SOST: variants seen among roughly 807,000 people sequenced by gnomAD.
SOST encodes sclerostin.
Under a neutral mutation model 16.7 loss-of-function variants are expected in SOST, and 14 were observed. The ratio of observed to expected loss-of-function variants is 0.84; its 90% CI spans 0.55 to 1.31. The LOEUF (loss-of-function observed/expected upper bound fraction) is 1.31. Among genes scored for constraint, SOST ranks in the 50% most tolerant of loss-of-function variants. SOST has a pLI of 0.00. For missense variants in SOST, 291 were observed against 310.7 expected (o/e 0.94, Z 0.48); for synonymous variants, 150 against 140.9 (o/e 1.06, Z -0.46).
At chr17:43,758,486 G>A (rs746420274) in intron 1 of SOST, 36 bp downstream of exon 1, 1 of 1,550,798 alleles carries the variant, frequency 6.4e-7, no homozygotes, top group East Asian at 2.3e-5. Context: ...ACCTCCCCAG[G>A]ATCTTTTACT....
intron 1 of SOST, among the ~76,000 whole-genome samples, chr17:43,756,606 T>TG (rs1239289096): frequency 6.6e-6 from 1 of 152,110 alleles, no homozygotes; most frequent in Non-Finnish European, 1.5e-5. Context: ...GAGGCTGGGC[T>TG]GGGGGATGGA....
Position 43,755,140 on chromosome 17 carries a change from G to T in SOST, c.*202C>A. 1 of 537,520 alleles carries T rather than the reference G, an allele frequency of 1.9e-6. No homozygotes were observed. Among genetic ancestry groups the T allele is most frequent in the South Asian group, 2.9e-5 (1 of 34,790 alleles). 33.3% of individuals were successfully genotyped at this position (537,520 alleles called of 1,614,324 possible). On this transcript the variant is annotated 3_prime_UTR_variant, in exon 2 of 2. Transcript: ENST00000301691. The surrounding 1 kb of genome is among the most constrained non-coding windows in gnomAD (Gnocchi z 4.3). ...GACTCTCAATTCCCTCCCCTGCCCC[G>T]TGGGACCCCTCAGCTGGCGGGCTGA... is the stretch of plus-strand genomic sequence containing the variant.
chr17:43,755,614 A>G lies in SOST; in HGVS notation c.370T>C (p.Trp124Arg). ...AAGTCGGGCCCACTAGGTCGCCACC[A>G]CTTGCCGCGGCCGATGGCGTTGGGC... ...LLPNAIGRGK[W>R]WRPSGPDFRC... Residue 124 changes from tryptophan to arginine, a missense_variant, in exon 2 of 2, where the codon TGG (tryptophan) becomes CGG (arginine). Transcript: ENST00000301691. The surrounding 1 kb of genome is among the most constrained non-coding windows in gnomAD (Gnocchi z 4.3). The G allele has an allele frequency of 6.3e-7, 1 of 1,585,458 alleles. No homozygotes were observed. The highest frequency in any genetic ancestry group is 8.5e-7 in the Non-Finnish European group (1 of 1,172,654).
intron 1 of SOST, among the ~76,000 whole-genome samples, chr17:43,758,093 G>C (rs1338521443): frequency 6.6e-6 from 1 of 152,188 alleles, no homozygotes; most frequent in Non-Finnish European, 1.5e-5. Context: ...GCCACCACCA[G>C]CATAGAGTGT....
At chr17:43,756,553 T>C (rs928544144) in intron 1 of SOST, among the ~76,000 whole-genome samples, 5 of 152,150 alleles carry the variant, frequency 3.3e-5, no homozygotes, top group Non-Finnish European at 7.4e-5. Context: ...CAGCACCTTT[T>C]GGCTCCGGCA....
At chr17:43,756,580 G>A (rs917479249) in intron 1 of SOST, among the ~76,000 whole-genome samples, 2 of 152,154 alleles carry the variant, frequency 1.3e-5, no homozygotes, top group Admixed American at 6.5e-5. Context: ...GAGGCTCTGC[G>A]TTCGAGCATC....
intron 1 of SOST, among the ~76,000 whole-genome samples, chr17:43,756,110 A>T (rs1291155982): frequency 6.6e-6 from 1 of 152,254 alleles, no homozygotes; most frequent in Non-Finnish European, 1.5e-5. Context: ...GCAATGCAGA[A>T]AATACCATTT....
Position 43,755,336 on chromosome 17 carries a change from C to T in SOST, c.*6G>A, listed in dbSNP as rs369412479. The T allele has an allele frequency of 1.5e-5, 23 of 1,557,560 alleles. No homozygotes were observed. Among genetic ancestry groups the T allele is most frequent in the African/African-American group, 5.6e-5 (4 of 70,828 alleles). ...GCCCGCCGGTGGGGAGGGGCGCGGG[C>T]GGGCTCTAGTAGGCGTTCTCCAGCT... is the stretch of plus-strand genomic sequence containing the variant. On this transcript the variant is annotated 3_prime_UTR_variant, in exon 2 of 2. Coordinates refer to ENST00000301691, the MANE Select transcript of SOST (RefSeq NM_025237.3). The surrounding 1 kb of genome is among the most constrained non-coding windows in gnomAD (Gnocchi z 4.3).
At chr17:43,758,402 A>G in intron 1 of SOST, 120 bp downstream of exon 1, 4 of 792,878 alleles carry the variant, frequency 5.0e-6, no homozygotes, top group Non-Finnish European at 8.3e-6. Flanking sequence ...TTCCTCGACC[A>G]GTGCTGGCAG....
intron 1 of SOST, among the ~76,000 whole-genome samples, chr17:43,757,429 T>C (rs1006443684): frequency 6.6e-6 from 1 of 152,140 alleles, no homozygotes; most frequent in Non-Finnish European, 1.5e-5. Flanking sequence ...TTGCCCTTTT[T>C]AGCACCCCAT....
rs946699013 is a variant in SOST, at chr17:43,757,053, A to G, written c.221-1290T>C. ...CAGCAGGGGAGATGTGGCCACTGCC[A>G]TCGTCTGGGGCTGCTTTCTGGTCTG... On this transcript the variant is annotated intron_variant, in intron 1 of 1. Transcript: ENST00000301691. Among the ~76,000 whole-genome samples, 6 of 152,180 alleles carry G rather than the reference A, an allele frequency of 3.9e-5. No individual in the cohort carries two copies. In the South Asian group the frequency reaches 1.0e-3, roughly 26 times the overall value.
chr17:43,755,546 C>A lies in SOST; in HGVS notation c.438G>T (p.Leu146=). ...PDRYRAQRVQ[L]LCPGGEAPRA... ...GCGGCGCCTCACCACCGGGACACAG[C>A]AGCTGCACGCGCTGCGCGCGGTAGC... The change falls in exon 2 of 2, where the codon CTG becomes CTT. Residue 146 remains leucine, a synonymous_variant. Coordinates refer to ENST00000301691, the MANE Select transcript of SOST (RefSeq NM_025237.3). This position sits in a 1 kb window ranked among gnomAD's most constrained non-coding sequence, Gnocchi z 4.3. 6.3e-7 allele frequency: 1 copy of A among 1,595,498 alleles called. No individual in the cohort carries two copies. Among genetic ancestry groups the A allele is most frequent in the Non-Finnish European group, 8.5e-7 (1 of 1,176,752 alleles).
chr17:43,754,994 C>T lies in SOST; in HGVS notation c.*348G>A, dbSNP rs982811653. On this transcript the variant is annotated 3_prime_UTR_variant, in exon 2 of 2. Coordinates refer to ENST00000301691, the MANE Select transcript of SOST (RefSeq NM_025237.3). ...CTTAACCAGTCCCTGGACTTTCCCA[C>T]TCCCACACCGCTCCCTTAAAACCCC... is the stretch of plus-strand genomic sequence containing the variant. 1.1e-5 allele frequency: 3 copies of T among 280,042 alleles called. No individual in the cohort carries two copies. Among genetic ancestry groups the T allele is most frequent in the Non-Finnish European group, 2.0e-5 (3 of 151,844 alleles). The allele number at this position is 280,042 out of a possible 1,614,324, so 17.3% of individuals were successfully genotyped here. A position where few individuals can be genotyped will look rare whatever the true frequency, so the allele number is the denominator to read the frequency against.
At position 43,755,283 on chromosome 17, in the gene SOST, A is replaced by G; in HGVS notation, c.*59T>C. 1 of 1,426,842 alleles carries G rather than the reference A, an allele frequency of 7.0e-7. No homozygotes were observed. Among genetic ancestry groups the G allele is most frequent in the Non-Finnish European group, 9.2e-7 (1 of 1,082,966 alleles). 88.4% of individuals were successfully genotyped at this position (1,426,842 alleles called of 1,614,324 possible). On this transcript the variant is annotated 3_prime_UTR_variant, in exon 2 of 2. Coordinates refer to ENST00000301691, the MANE Select transcript of SOST (RefSeq NM_025237.3). This position sits in a 1 kb window ranked among gnomAD's most constrained non-coding sequence, Gnocchi z 4.3. ...ATCAAACCACGCGCAGAGGACAGAA[A>G]TGTGGGGCGCGGGTTCAGGGCCGGG...
In SOST at chr17:43,758,648, C is replaced by A; in HGVS notation, c.94G>T (p.Asp32Tyr). The A allele has an allele frequency of 6.2e-7, 1 of 1,614,178 alleles. No homozygotes were observed. Residue 32 changes from aspartate (D) to tyrosine (Y), a missense_variant, in exon 1 of 2, where the codon GAT becomes TAT. By Grantham distance (160) the Asp-to-Tyr change is radical (BLOSUM62 -3). Transcript: ENST00000301691. ...EGQGWQAFKN[D>Y]ATEIIPELGE... ...AGCTCGGGGATGATTTCCGTGGCAT[C>A]ATTCTTGAACGCCTGCCACCCCTGG...
chr17:43,756,713 G>A (rs902722075), intron 1 of SOST, among the ~76,000 whole-genome samples: 5 of 152,108 alleles, frequency 3.3e-5, no homozygotes, highest in African/African-American at 9.7e-5. Context: ...ACATTGACCT[G>A]GCTCTCTGCT....
intron 1 of SOST, among the ~76,000 whole-genome samples, chr17:43,758,027 G>A (rs1317395967): frequency 6.6e-6 from 1 of 152,058 alleles, no homozygotes. Context: ...CTTCCCCTTC[G>A]AGCTGGGGGT....
rs139480227 is a variant in SOST at position 43,757,366 on chromosome 17, C to T, written c.220+1156G>A. ...CTAGAAGGGGAGCTGTGGGGGGAGG[C>T]GCCCTTGTCCTCCATTTTGAAGACG... On this transcript the variant is annotated intron_variant, in intron 1 of 1. Coordinates refer to ENST00000301691, the MANE Select transcript of SOST (RefSeq NM_025237.3). Among the ~76,000 whole-genome samples, 648 of 152,290 alleles carry T rather than the reference C, an allele frequency of 4.3e-3. 4 individuals carry two copies. Among genetic ancestry groups the T allele is most frequent in the African/African-American group, 0.015 (616 of 41,556 alleles).
At position 43,755,499 on chromosome 17, in the gene SOST, AC is replaced by A; in HGVS notation, c.484del (p.Val162TrpfsTer87). On this transcript the variant is annotated frameshift_variant, in exon 2 of 2. Transcript: ENST00000301691. LOFTEE classifies it high-confidence loss of function. This position sits in a 1 kb window ranked among gnomAD's most constrained non-coding sequence, Gnocchi z 4.3. ...EAPRARKVRL[V>X]ASCKCKRLTR... The stretch of plus-strand genomic sequence containing the variant: ...GAGGCGCTTGCACTTGCACGAGGCC[AC>A]CAGGCGCACCTTGCGCGCGCGCGGC... 1 of 1,596,898 alleles carries A rather than the reference AC, an allele frequency of 6.3e-7. No individual in the cohort carries two copies.
Sources: allele counts gnomAD v4.1 joint callset (sites outside exome capture counted in the v4.1 genomes callset), GRCh38; gene constraint gnomAD v4.1.1; non-coding constraint Gnocchi (gnomAD v3.1); transcripts MANE v1.5; gene names NCBI Gene and HGNC (gene_info 2026-07-23, HGNC 2026-07-21).